Variants in UBE4B observed in about 807,000 individuals in gnomAD.
UBE4B encodes the protein ubiquitin conjugation factor E4 B.
In UBE4B, 27 loss-of-function variants were observed where a neutral mutation model predicts 148.1. That is an observed-to-expected ratio of 0.18 (90% CI 0.13 to 0.25). The LOEUF is 0.25. UBE4B is among the 10% of genes least tolerant of loss of function. UBE4B has a pLI of 1.00. For missense variants in UBE4B, 1,170 were observed against 1,662.4 expected (o/e 0.70, Z 5.15); for synonymous variants, 596 against 619.3 (o/e 0.96, Z 0.56).
chr1:10,179,962 T>C lies in UBE4B; in HGVS notation c.*6T>C. ...AACAGAACAGCGATCACTAAACCGT[T>C]CCGCCGCCCACCCTCTGCTAGACAC... On this transcript the variant is annotated 3_prime_UTR_variant, in exon 28 of 28. Coordinates refer to ENST00000343090, the MANE Select transcript of UBE4B (RefSeq NM_001105562.3). 12 of 1,613,986 alleles carry C rather than the reference T, an allele frequency of 7.4e-6. No individual in the cohort carries two copies. The highest frequency in any genetic ancestry group is 1.0e-5 in the Non-Finnish European group (12 of 1,180,006).
chr1:10,119,602 A>C lies in UBE4B; in HGVS notation c.1428A>C (p.Leu476=). The part of the protein sequence containing the change: ...SHTALVLQGS[L]TQPRSLQQPS... ...CTGCTTTAGTACTACAAGGCTCCCT[A>C]ACACAGCCCAGGTATGAAGACCCGT... The change falls in exon 9 of 28, where the codon CTA becomes CTC. Residue 476 remains leucine, a synonymous_variant. Coordinates refer to ENST00000343090, the MANE Select transcript of UBE4B (RefSeq NM_001105562.3). 6.2e-7 allele frequency: 1 copy of C among 1,612,988 alleles called. No individual in the cohort carries two copies.
chr1:10,113,884 G>A (rs1645261923), intron 7 of UBE4B, among the ~76,000 whole-genome samples: 1 of 152,028 alleles, frequency 6.6e-6, no homozygotes, highest in Admixed American at 6.6e-5. Context: ...GGCCAACATG[G>A]TGAAACCCCG....
chr1:10,042,417 G>A (rs1419167741), intron 1 of UBE4B, among the ~76,000 whole-genome samples: 5 of 152,148 alleles, frequency 3.3e-5, no homozygotes, highest in Admixed American at 1.3e-4. Flanking sequence ...GGGATGCTGA[G>A]GCGGGTGGAT....
Position 10,106,446 on chromosome 1 carries a change from C to G in UBE4B, c.1059C>G (p.Pro353=). 1 of 1,613,978 alleles carries G rather than the reference C, an allele frequency of 6.2e-7. No individual in the cohort carries two copies. The highest frequency in any genetic ancestry group is 8.5e-7 in the Non-Finnish European group (1 of 1,179,976). The change falls in exon 7 of 28, where the codon CCC becomes CCG. Residue 353 remains proline (P), a synonymous_variant. Transcript: ENST00000343090. The surrounding 1 kb of genome is among the most constrained non-coding windows in gnomAD (Gnocchi z 4.2). The part of the protein sequence containing the change: ...GVSILSSSPS[P]PALASSPQAV... ...CCATTCTGTCGAGCTCCCCAAGTCC[C>G]CCTGCCCTCGCCAGTAGCCCCCAAG...
chr1:10,158,131 C>T (rs936824344), intron 21 of UBE4B, among the ~76,000 whole-genome samples: 2 of 152,080 alleles, frequency 1.3e-5, no homozygotes, highest in East Asian at 1.9e-4. Flanking sequence ...TTCCTAGCCC[C>T]GTTCCTTTAG....
At chr1:10,148,860 A>C (rs1180633629) in intron 19 of UBE4B, among the ~76,000 whole-genome samples, 4 of 151,682 alleles carry the variant, frequency 2.6e-5, no homozygotes, top group Non-Finnish European at 4.4e-5. Context: ...TAATCGATTG[A>C]ACTGGGGAGG....
At chr1:10,145,130 CCTCA>C (rs1645847927) in intron 18 of UBE4B, 91 bp downstream of exon 18, 1 of 943,566 alleles carries the variant, frequency 1.1e-6, no homozygotes, top group Admixed American at 2.4e-5. Context: ...AGTTTAGTGT[CCTCA>C]CTTTTTCTTT....
chr1:10,072,122 C>T lies in UBE4B; in HGVS notation c.119C>T (p.Pro40Leu), dbSNP rs1361076009. The T allele has an allele frequency of 1.2e-6, 2 of 1,613,576 alleles. No individual in the cohort carries two copies. Among genetic ancestry groups the T allele is most frequent in the Admixed American group, 3.3e-5 (2 of 59,916 alleles). Reference protein sequence around the residue: ...TSPQRENPPGPPIAASAPGPS... With the variant: ...TSPQRENPPGLPIAASAPGPS... ...CCCCAGAGGGAGAACCCTCCGGGGC[C>T]TCCCATAGCGGCATCAGCCCCAGGA... Residue 40 changes from proline to leucine, a missense_variant, in exon 2 of 28, where the codon CCT becomes CTT. Pro to Leu is a moderately conservative substitution (Grantham distance 98). Coordinates refer to ENST00000343090, the MANE Select transcript of UBE4B (RefSeq NM_001105562.3).
chr1:10,178,820 C>T lies in UBE4B; in HGVS notation c.3700+2C>T, dbSNP rs150907063. On this transcript the variant is annotated splice_donor_variant, in intron 26 of 27. Coordinates refer to ENST00000343090, the MANE Select transcript of UBE4B (RefSeq NM_001105562.3). LOFTEE classifies it low-confidence loss of function (GC_TO_GT_DONOR). ...GCGACGCTCCTGATGAGTTCAGAGGCAAGTGGACTCGTCGTTTTCATGCTG... is the reference window on the plus strand; with the variant it reads ...GCGACGCTCCTGATGAGTTCAGAGGTAAGTGGACTCGTCGTTTTCATGCTG... 43 of 1,578,658 alleles carry T rather than the reference C, an allele frequency of 2.7e-5. No individual in the cohort carries two copies. Among genetic ancestry groups the T allele is most frequent in the Middle Eastern group, 1.7e-4 (1 of 5,916 alleles).
At chr1:10,071,727 A>AT (rs1231520929) in intron 1 of UBE4B, among the ~76,000 whole-genome samples, 1 of 152,168 alleles carries the variant, frequency 6.6e-6, no homozygotes, top group Non-Finnish European at 1.5e-5. Context: ...GTGGGTTGTC[A>AT]CTGCTTTGCT....
intron 7 of UBE4B, among the ~76,000 whole-genome samples, chr1:10,112,649 C>T (rs1645240773): frequency 6.6e-6 from 1 of 152,292 alleles, no homozygotes; most frequent in African/African-American, 2.4e-5. Flanking sequence ...ATCTGCCCCC[C>T]TCAGCCTCCC....
chr1:10,164,598 C>T (rs989609008), intron 23 of UBE4B, among the ~76,000 whole-genome samples: 2 of 152,188 alleles, frequency 1.3e-5, no homozygotes, highest in Non-Finnish European at 2.9e-5. Flanking sequence ...TGTTTATGAG[C>T]CAACTGAACA....
intron 23 of UBE4B, among the ~76,000 whole-genome samples, chr1:10,165,180 G>A (rs545885513): frequency 9.2e-5 from 14 of 152,084 alleles, no homozygotes; most frequent in Non-Finnish European, 1.9e-4. Flanking sequence ...TGTCCAAAAC[G>A]GAACCCTTGA....
rs758817230 is a variant in UBE4B at position 10,103,000 on chromosome 1, G to T, written c.488G>T (p.Cys163Phe). Residue 163 changes from cysteine to phenylalanine, a missense_variant, in exon 5 of 28, where the codon TGT becomes TTT. Cys to Phe is a radical substitution (Grantham distance 205). This residue lies in a region of UBE4B where 91 missense variants were observed against 120.5 expected (regional missense o/e 0.76). Transcript: ENST00000343090. ...VSEEQALQLV[C>F]KIFRVSWKDR... ...GAAGAGCAGGCCTTACAGCTGGTCT[G>T]TAAGATCTTCCGTGTCTCTTGGAAG... 6.2e-7 allele frequency: 1 copy of T among 1,613,706 alleles called. No individual in the cohort carries two copies.
chr1:10,071,914 C>A, intron 1 of UBE4B, 114 bp from the exon 2 acceptor site: 1 of 994,744 alleles, frequency 1.0e-6, no homozygotes, highest in Non-Finnish European at 1.4e-6. Flanking sequence ...AGTACTTTTG[C>A]TGAAGGCATA....
chr1:10,163,277 T>C (rs1317123165), intron 23 of UBE4B: 1 of 152,154 alleles, frequency 6.6e-6, no homozygotes, highest in Non-Finnish European at 1.5e-5. Flanking sequence ...CATGCTTGCT[T>C]CAGCAGCACG....
intron 17 of UBE4B, among the ~76,000 whole-genome samples, chr1:10,138,725 G>A (rs1292139607): frequency 6.6e-6 from 1 of 151,838 alleles, no homozygotes; most frequent in Non-Finnish European, 1.5e-5. Context: ...TGTTTCAGTT[G>A]GTGGAGGAAA....
rs61782919 is a variant in UBE4B, at chr1:10,133,653, G to A, written c.2025+1171G>A. Reference sequence around the variant, plus strand: ...AGGCCGGGCATGGTGGCTCACGCCTGTAATCTCAGCACTTTGGGAGGCCGA... The same window carrying A: ...AGGCCGGGCATGGTGGCTCACGCCTATAATCTCAGCACTTTGGGAGGCCGA... On this transcript the variant is annotated intron_variant, in intron 15 of 27. Transcript: ENST00000343090. Among the ~76,000 whole-genome samples, 524 of 152,296 alleles carry A rather than the reference G, an allele frequency of 3.4e-3. 3 individuals are homozygous for A. Among genetic ancestry groups the A allele is most frequent in the Non-Finnish European group, 5.5e-3 (375 of 68,022 alleles).
intron 2 of UBE4B, among the ~76,000 whole-genome samples, chr1:10,084,123 C>T (rs926403196): frequency 1.3e-5 from 2 of 152,124 alleles, no homozygotes; most frequent in African/African-American, 4.8e-5. Flanking sequence ...CAGTAGCACT[C>T]TCCCCACACA....
Sources: allele counts gnomAD v4.1 joint callset (sites outside exome capture counted in the v4.1 genomes callset), GRCh38; gene constraint gnomAD v4.1.1; regional missense constraint gnomAD v4.1.1; non-coding constraint Gnocchi (gnomAD v3.1); transcripts MANE v1.5; gene names NCBI Gene and HGNC (gene_info 2026-07-23, HGNC 2026-07-21).